The following CEP83 variants were observed in gnomAD, a reference collection of about 807,000 sequenced individuals.
CEP83 encodes the protein centrosomal protein of 83 kDa.
A neutral mutation model predicts 101.9 loss-of-function variants in CEP83; 70 were observed. The observed-to-expected ratio is 0.69, with a 90% CI of 0.57 to 0.84. The LOEUF (loss-of-function observed/expected upper bound fraction) is 0.84, where lower values mean the gene tolerates loss of function less well. Ranked by LOEUF, CEP83 falls within the 40% of genes least tolerant of loss-of-function variation. The pLI is 0.00. For synonymous variants in CEP83, 264 were observed against 267.9 expected, an observed-to-expected ratio of 0.99 and a Z score of 0.14; for missense variants, 715 against 787.2, an observed-to-expected ratio of 0.91 and a Z score of 1.10.
chr12:94,333,840 A>T (rs1253217579), intron 12 of CEP83, among the ~76,000 whole-genome samples: 2 of 152,122 alleles, frequency 1.3e-5, no homozygotes, highest in African/African-American at 4.8e-5. Context: ...CAAGAACTAT[A>T]TTCCTCAGTC....
At chr12:94,382,561 T>C (rs763020604) in intron 6 of CEP83, among the ~76,000 whole-genome samples, 6 of 151,960 alleles carry the variant, frequency 3.9e-5, no homozygotes, top group Non-Finnish European at 7.4e-5. Flanking sequence ...TTTTTTGAAA[T>C]GTAATCTCAT....
rs750641962 is a variant in CEP83, at chr12:94,333,563, A to G, written c.1496T>C (p.Leu499Pro). Residue 499 changes from leucine (L) to proline (P), a missense_variant, in exon 13 of 17, where the codon CTG (leucine) becomes CCG (proline). Physicochemically the swap from Leu to Pro is moderately conservative, Grantham distance 98. Coordinates refer to ENST00000397809, the MANE Select transcript of CEP83 (RefSeq NM_016122.3). ...ENDLLNSNQM[L>P]KEMVERLKQE... Reference sequence around the variant, plus strand: ...TTTTAATCTCTCCACCATTTCCTTCAGCATTTGGTTTGAATTCAGCAAGTC... The same window carrying G: ...TTTTAATCTCTCCACCATTTCCTTCGGCATTTGGTTTGAATTCAGCAAGTC... The G allele has an allele frequency of 6.2e-7, 1 of 1,613,874 alleles. No homozygotes were observed. Among genetic ancestry groups the G allele is most frequent in the South Asian group, 1.1e-5 (1 of 91,038 alleles).
intron 14 of CEP83, among the ~76,000 whole-genome samples, chr12:94,320,327 A>G (rs761205061): frequency 2.6e-5 from 4 of 152,104 alleles, no homozygotes; most frequent in Non-Finnish European, 2.9e-5. Context: ...AAATGGGGGC[A>G]CTTAGCCCAT....
intron 1 of CEP83, among the ~76,000 whole-genome samples, chr12:94,443,847 T>TA (rs1272585967): frequency 6.6e-6 from 1 of 151,964 alleles, no homozygotes; most frequent in African/African-American, 2.4e-5. Flanking sequence ...TATAACTATA[T>TA]AAACTACGTT....
chr12:94,413,596 G>A (rs771382710), intron 2 of CEP83, among the ~76,000 whole-genome samples: 10 of 152,090 alleles, frequency 6.6e-5, no homozygotes, highest in Non-Finnish European at 1.5e-4. Flanking sequence ...AGATTCACAT[G>A]AGAAATTTGT....
At chr12:94,297,690 T>C in the CEP83 span, among the ~76,000 whole-genome samples, 1 of 152,248 alleles carries the variant, frequency 6.6e-6, no homozygotes, top group African/African-American at 2.4e-5. Flanking sequence ...CATTTCACTA[T>C]TATTGTTATT....
chr12:94,329,256 G>T (rs1014766877), intron 14 of CEP83, among the ~76,000 whole-genome samples: 7 of 151,946 alleles, frequency 4.6e-5, no homozygotes, highest in Admixed American at 1.3e-4. Context: ...GTGTTTTGGG[G>T]TTTTTTTGTT....
In CEP83 at chr12:94,376,744, TATA is replaced by T. The variant is rs370228241; in HGVS notation, c.802-730_802-728del. ...ACACACACACACACATATATATATA[TATA>T]TTTTTTTTTTGAGACAAGGTCTTGC... is the stretch of plus-strand genomic sequence containing the variant. On this transcript the variant is annotated intron_variant, in intron 7 of 16. Coordinates refer to ENST00000397809, the MANE Select transcript of CEP83 (RefSeq NM_016122.3). Among the ~76,000 whole-genome samples, 997 of 115,572 alleles carry T rather than the reference TATA, an allele frequency of 8.6e-3. 9 individuals are homozygous for T. The highest frequency in any genetic ancestry group is 0.018 in the South Asian group (72 of 3,960). The allele number at this position is 115,572 out of a possible 152,430, so 75.8% of individuals were successfully genotyped here. A position where few individuals can be genotyped will look rare whatever the true frequency, so the allele number is the denominator to read the frequency against.
intron 4 of CEP83, among the ~76,000 whole-genome samples, chr12:94,405,395 A>T (rs1017354629): frequency 6.6e-6 from 1 of 152,214 alleles, no homozygotes; most frequent in African/African-American, 2.4e-5. Flanking sequence ...ATATTATTTG[A>T]TTCAAAATAA....
chr12:94,295,036 T>C, the CEP83 span, among the ~76,000 whole-genome samples: 3 of 152,182 alleles, frequency 2.0e-5, no homozygotes, highest in African/African-American at 7.2e-5. Context: ...GGAAAGTCAA[T>C]AGGCTGGTCT....
intron 6 of CEP83, among the ~76,000 whole-genome samples, chr12:94,391,114 G>A (rs907891957): frequency 2.0e-5 from 3 of 152,052 alleles, no homozygotes; most frequent in African/African-American, 7.2e-5. Context: ...TCAAATTCAG[G>A]AAATACAGAG....
chr12:94,424,446 T>C, intron 2 of CEP83: 3 of 1,614,046 alleles, frequency 1.9e-6, no homozygotes, highest in Non-Finnish European at 2.5e-6. Flanking sequence ...CCAACACCTC[T>C]GCTGGTCCCA....
chr12:94,434,233 AT>A (rs2065842392), intron 2 of CEP83, among the ~76,000 whole-genome samples: 1 of 152,208 alleles, frequency 6.6e-6, no homozygotes, highest in African/African-American at 2.4e-5. Context: ...GAGCTATTTT[AT>A]TTTTTCCTTT....
At chr12:94,283,850 G>A in the CEP83 span, among the ~76,000 whole-genome samples, 6 of 152,204 alleles carry the variant, frequency 3.9e-5, no homozygotes, top group Non-Finnish European at 7.3e-5. Flanking sequence ...TCGGGAGGCT[G>A]AGGTGGGTGG....
chr12:94,367,353 T>G (rs538766061), intron 11 of CEP83, among the ~76,000 whole-genome samples: 1 of 152,282 alleles, frequency 6.6e-6, no homozygotes, highest in South Asian at 2.1e-4. Flanking sequence ...GGAAATTCAC[T>G]GAGGACACAT....
At chr12:94,303,547 A>G (rs1428256166), downstream of CEP83, among the ~76,000 whole-genome samples, 3 of 152,308 alleles carry the variant, frequency 2.0e-5, no homozygotes, top group East Asian at 3.9e-4. Context: ...CCTGAAAATA[A>G]CAGTGACTCA....
chr12:94,439,049 A>G (rs1189290333), intron 1 of CEP83, among the ~76,000 whole-genome samples: 1 of 152,154 alleles, frequency 6.6e-6, no homozygotes, highest in African/African-American at 2.4e-5. Flanking sequence ...GTTCATAGCA[A>G]TCACTGTCTA....
the CEP83 span, among the ~76,000 whole-genome samples, chr12:94,286,877 G>A: frequency 6.6e-6 from 1 of 152,118 alleles, no homozygotes. Context: ...CAGCACATTT[G>A]AAGAACAGGT....
intron 7 of CEP83, among the ~76,000 whole-genome samples, chr12:94,378,464 G>C (rs1941412005): frequency 6.6e-6 from 1 of 152,072 alleles, no homozygotes; most frequent in African/African-American, 2.4e-5. Flanking sequence ...TATTCTTTCT[G>C]GTTTGAGATG....
Sources: gnomAD v4.1 joint callset for allele counts (sites outside exome capture counted in the v4.1 genomes callset) on GRCh38, gnomAD v4.1.1 for gene constraint, MANE v1.5 for transcripts, NCBI Gene and HGNC (gene_info 2026-07-23, HGNC 2026-07-21) for gene names.